Variants in DLG2 observed in about 807,000 individuals in gnomAD.
DLG2 encodes the protein discs large MAGUK scaffold protein 2.
A neutral mutation model predicts 132.5 loss-of-function variants in DLG2; 45 were observed. The ratio of observed to expected loss-of-function variants is 0.34; its 90% CI spans 0.27 to 0.44. The LOEUF is 0.44. DLG2 is among the 20% of genes least tolerant of loss of function. The pLI, the probability that DLG2 is intolerant of heterozygous loss-of-function variation, is 1.00. For synonymous variants in DLG2, 424 were observed against 419.6 expected (o/e 1.01, Z -0.13); for missense variants, 1,045 against 1,196.9 (o/e 0.87, Z 1.87).
chr11:84,560,422 A>T (rs1306898930), intron 6 of DLG2, among the ~76,000 whole-genome samples: 1 of 152,118 alleles, frequency 6.6e-6, no homozygotes, highest in Non-Finnish European at 1.5e-5. Flanking sequence ...ACTGGCAGGC[A>T]CTTTTATCAT....
Position 85,021,867 on chromosome 11 carries a change from C to T in DLG2, c.357+89794G>A, listed in dbSNP as rs974625752. Among the ~76,000 whole-genome samples the T allele has an allele frequency of 2.8e-4, 42 of 152,148 alleles. 1 individual carries two copies. Among genetic ancestry groups the T allele is most frequent in the African/African-American group, 8.7e-4 (36 of 41,504 alleles). On this transcript the variant is annotated intron_variant, in intron 6 of 27. Coordinates refer to ENST00000376104, the MANE Select transcript of DLG2 (RefSeq NM_001142699.3). ...AAAGAAAATTTGCCTTCTTTTCACA[C>T]GTCATGGAACTATACAAAATTTTAT...
chr11:84,397,876 G>T (rs532038129), intron 7 of DLG2, among the ~76,000 whole-genome samples: 13 of 152,256 alleles, frequency 8.5e-5, no homozygotes, highest in Middle Eastern at 3.4e-3. Context: ...AATAACTACT[G>T]GTCTAGTTTA....
intron 3 of DLG2, among the ~76,000 whole-genome samples, chr11:85,389,380 G>C (rs1163545383): frequency 6.6e-6 from 1 of 152,174 alleles, no homozygotes; most frequent in African/African-American, 2.4e-5. Flanking sequence ...CCAAACCTAA[G>C]AATAACTGAT....
At position 85,245,629 on chromosome 11, in the gene DLG2, T is replaced by G. The variant is rs145857601; in HGVS notation, c.186+39591A>C. ...TAGCAGCCAAAGTAATTCTTTGAAA[T>G]CATGATAAAAGATGTCAATTTTCTG... On this transcript the variant is annotated intron_variant, in intron 4 of 27. Coordinates refer to ENST00000376104, the MANE Select transcript of DLG2 (RefSeq NM_001142699.3). 1.8e-4 allele frequency among the ~76,000 whole-genome samples: 28 copies of G among 152,098 alleles called. No individual in the cohort carries two copies. In the East Asian group the frequency reaches 5.0e-3, roughly 27 times the overall value.
chr11:84,262,593 A>G (rs757742107), intron 7 of DLG2, among the ~76,000 whole-genome samples: 25 of 152,108 alleles, frequency 1.6e-4, no homozygotes, highest in Non-Finnish European at 2.6e-4. Flanking sequence ...TAAGTTCTTT[A>G]GTGGTGATTT....
intron 12 of DLG2, among the ~76,000 whole-genome samples, chr11:83,977,453 C>T (rs1459859770): frequency 6.6e-6 from 1 of 151,908 alleles, no homozygotes; most frequent in Non-Finnish European, 1.5e-5. Context: ...ATTCCTAGTC[C>T]AAAATAAGGT....
At chr11:83,865,602 C>T (rs746962172) in intron 16 of DLG2, among the ~76,000 whole-genome samples, 4 of 151,612 alleles carry the variant, frequency 2.6e-5, no homozygotes, top group Non-Finnish European at 3.0e-5. Flanking sequence ...AGGGAGGAAC[C>T]GGTAGAGGAG....
chr11:83,481,336 AC>A (rs1265958311), intron 22 of DLG2, among the ~76,000 whole-genome samples: 2 of 152,112 alleles, frequency 1.3e-5, no homozygotes, highest in Non-Finnish European at 2.9e-5. Context: ...TATAGATGAT[AC>A]ACTCATCAGT....
intron 3 of DLG2, among the ~76,000 whole-genome samples, chr11:85,559,175 G>A (rs1020403724): frequency 4.8e-5 from 7 of 145,316 alleles, no homozygotes; most frequent in Admixed American, 6.9e-5. Flanking sequence ...TTTTTGAGAC[G>A]GTGTCTTGCT....
chr11:84,106,726 T>C lies in DLG2; in HGVS notation c.625-7679A>G, dbSNP rs577500135. Among the ~76,000 whole-genome samples the C allele has an allele frequency of 2.0e-4, 30 of 152,122 alleles. 1 individual carries two copies. In the South Asian group the frequency reaches 4.4e-3, roughly 22 times the overall value. On this transcript the variant is annotated intron_variant, in intron 9 of 27. Coordinates refer to ENST00000376104, the MANE Select transcript of DLG2 (RefSeq NM_001142699.3). The stretch of plus-strand genomic sequence containing the variant: ...GGTAGAGAGGAAGCAGTTTAATAAA[T>C]AGGCCAAGAGAGAATGCCAGATTAT...
intron 6 of DLG2, among the ~76,000 whole-genome samples, chr11:84,748,913 T>C (rs1344410270): frequency 3.9e-5 from 6 of 152,186 alleles, no homozygotes; most frequent in Non-Finnish European, 8.8e-5. Flanking sequence ...CTCACGCCTA[T>C]AATCGCAGCA....
intron 3 of DLG2, among the ~76,000 whole-genome samples, chr11:85,437,993 T>A (rs1565492240): frequency 6.6e-6 from 1 of 152,182 alleles, no homozygotes; most frequent in Non-Finnish European, 1.5e-5. Flanking sequence ...TATTTGACTC[T>A]TGGTTCTGCA....
At chr11:84,170,064 C>CA (rs2095785572) in intron 8 of DLG2, among the ~76,000 whole-genome samples, 1 of 151,816 alleles carries the variant, frequency 6.6e-6, no homozygotes, top group Non-Finnish European at 1.5e-5. Flanking sequence ...GTATATTAAC[C>CA]TTTTTTTTAC....
intron 6 of DLG2, among the ~76,000 whole-genome samples, chr11:84,827,809 T>C (rs1056848166): frequency 6.6e-6 from 1 of 150,960 alleles, no homozygotes; most frequent in African/African-American, 2.4e-5. Flanking sequence ...ACGACATGGA[T>C]GAAACTGGAG....
chr11:85,455,743 A>T (rs1173782322), intron 3 of DLG2, among the ~76,000 whole-genome samples: 2 of 152,114 alleles, frequency 1.3e-5, no homozygotes, highest in Non-Finnish European at 2.9e-5. Flanking sequence ...GGGATGTTAA[A>T]TTTTATTGAA....
At chr11:83,887,779 G>A (rs2068370272) in intron 15 of DLG2, among the ~76,000 whole-genome samples, 1 of 150,704 alleles carries the variant, frequency 6.6e-6, no homozygotes, top group Non-Finnish European at 1.5e-5. Context: ...TCCCTGGGAT[G>A]CAAGGCTGGT....
At chr11:85,156,929 G>C (rs1566946924) in intron 4 of DLG2, among the ~76,000 whole-genome samples, 1 of 152,150 alleles carries the variant, frequency 6.6e-6, no homozygotes, top group African/African-American at 2.4e-5. Flanking sequence ...TTGGACTGAA[G>C]GATGTAAAGT....
At chr11:85,429,847 C>T (rs1472029296) in intron 3 of DLG2, among the ~76,000 whole-genome samples, 5 of 152,150 alleles carry the variant, frequency 3.3e-5, no homozygotes, top group African/African-American at 1.2e-4. Flanking sequence ...ACCCAGCCAT[C>T]CCATTACTGG....
chr11:85,165,108 T>C (rs2078339472), intron 4 of DLG2, among the ~76,000 whole-genome samples: 1 of 152,170 alleles, frequency 6.6e-6, no homozygotes, highest in Non-Finnish European at 1.5e-5. Context: ...GTTAGCAAGG[T>C]ATAAGACACA....
Sources: allele counts gnomAD v4.1 joint callset (sites outside exome capture counted in the v4.1 genomes callset), GRCh38; gene constraint gnomAD v4.1.1; transcripts MANE v1.5; gene names NCBI Gene and HGNC (gene_info 2026-07-23, HGNC 2026-07-21).